FKBP2: variants seen among roughly 807,000 people sequenced by gnomAD.
FKBP2 encodes FKBP prolyl isomerase 2, also known as peptidyl-prolyl cis-trans isomerase FKBP2.
In FKBP2, 15 loss-of-function variants were observed where a neutral mutation model predicts 19.4. The observed-to-expected ratio is 0.77, with a 90% confidence interval of 0.52 to 1.19. FKBP2 has a LOEUF of 1.19. FKBP2 is among the 50% of genes most tolerant of loss of function. The pLI is 0.00. For synonymous variants in FKBP2, 76 were observed against 74.8 expected, an observed-to-expected ratio of 1.02 and a Z score of -0.08; for missense variants, 170 against 179.0, an observed-to-expected ratio of 0.95 and a Z score of 0.29.
chr11:64,243,627 C>A, intron 4 of FKBP2, 130 bp downstream of exon 4: 2 of 1,298,026 alleles, frequency 1.5e-6, no homozygotes, highest in East Asian at 2.3e-5. Flanking sequence ...CCAAGTTTGG[C>A]TGTGTCTAGC....
In FKBP2 at chr11:64,242,460, G is replaced by A; in HGVS notation, c.73G>A (p.Ala25Thr). ...GAGCGCCGTGGCCACGGCCACGGGG[G>A]CCGAGGGCAAAAGGAAGCTGCAGAT... ...CLSAVATATG[A>T]EGKRKLQIGV... The change falls in exon 2 of 6, where the codon GCC (alanine) becomes ACC (threonine). Residue 25 changes from alanine to threonine, a missense_variant. Coordinates refer to ENST00000309366, the MANE Select transcript of FKBP2 (RefSeq NM_004470.4). 1 of 1,549,072 alleles carries A rather than the reference G, an allele frequency of 6.5e-7. No individual in the cohort carries two copies. The highest frequency in any genetic ancestry group is 8.7e-7 in the Non-Finnish European group (1 of 1,154,798).
intron 1 of FKBP2, chr11:64,241,618 T>G (rs938611371): frequency 2.0e-5 from 3 of 152,344 alleles, no homozygotes; most frequent in African/African-American, 7.3e-5. Flanking sequence ...TACCGCGTCC[T>G]CCGAAGGGCG....
At chr11:64,243,057 G>C in intron 2 of FKBP2, 142 bp from the exon 3 acceptor site, 1 of 695,404 alleles carries the variant, frequency 1.4e-6, no homozygotes, top group Non-Finnish European at 2.5e-6. Context: ...TGGCAACAGA[G>C]ACTCCATCTC....
rs1315509954 is a variant in FKBP2 at position 64,243,331 on chromosome 11, G to C, written c.284+20G>C. On this transcript the variant is annotated intron_variant, in intron 3 of 5. Coordinates refer to ENST00000309366, the MANE Select transcript of FKBP2 (RefSeq NM_004470.4). Reference sequence around the variant, plus strand: ...GCTGGGGTGAGTCATGGGGGAATGGGCTTGGGAGTGGGGGCGTGCATGGCC... The same window carrying C: ...GCTGGGGTGAGTCATGGGGGAATGGCCTTGGGAGTGGGGGCGTGCATGGCC... The C allele has an allele frequency of 1.3e-6, 2 of 1,599,240 alleles. No individual in the cohort carries two copies. The highest frequency in any genetic ancestry group is 1.7e-5 in the Admixed American group (1 of 59,250).
At position 64,242,552 on chromosome 11, in the gene FKBP2, C is replaced by T; in HGVS notation, c.165C>T (p.His55=). ...KSRKGDVLHM[H]YTGKLEDGTE... The stretch of plus-strand genomic sequence containing the variant: ...GCAAAGGGGATGTCCTGCACATGCA[C>T]TACACGGTGAGTGGGTTGGGCGGGC... Residue 55 remains histidine, a synonymous_variant, in exon 2 of 6, where the codon CAC becomes CAT. Transcript: ENST00000309366. 6.5e-7 allele frequency: 1 copy of T among 1,541,294 alleles called. No homozygotes were observed. The highest frequency in any genetic ancestry group is 8.7e-7 in the Non-Finnish European group (1 of 1,150,428).
chr11:64,242,218 G>GACA, intron 1 of FKBP2, 166 bp from the exon 2 acceptor site: 1 of 612,132 alleles, frequency 1.6e-6, no homozygotes, highest in East Asian at 3.5e-5. Context: ...GGACTGGTAA[G>GACA]TGTGGCCCCG....
rs952009838 is a variant in FKBP2, at chr11:64,244,100, C to G, written c.*71C>G. On this transcript the variant is annotated 3_prime_UTR_variant, in exon 6 of 6. Transcript: ENST00000309366. ...ACTGTTCCAAAAAAAAAACAAAAAACAAAAACAAACAAAAAAACACTTAAA... is the reference window on the plus strand; with the variant it reads ...ACTGTTCCAAAAAAAAAACAAAAAAGAAAAACAAACAAAAAAACACTTAAA... 1 of 1,532,558 alleles carries G rather than the reference C, an allele frequency of 6.5e-7. No individual in the cohort carries two copies. 94.9% of individuals were successfully genotyped at this position (1,532,558 alleles called of 1,614,324 possible).
At chr11:64,243,563 C>G in intron 4 of FKBP2, 66 bp downstream of exon 4, 1 of 1,570,376 alleles carries the variant, frequency 6.4e-7, no homozygotes, top group Non-Finnish European at 8.7e-7. Context: ...GTGAAAGCTG[C>G]TTCAGCTTTT....
Position 64,244,082 on chromosome 11 carries a change from C to CAA in FKBP2, c.*62_*63dup, listed in dbSNP as rs368428015. Reference sequence around the variant, plus strand: ...GCCCCCATCAGGGACCAGACTGTTCCAAAAAAAAAACAAAAAACAAAAACA... The same window carrying CAA: ...GCCCCCATCAGGGACCAGACTGTTCCAAAAAAAAAAAACAAAAAACAAAAACA... On this transcript the variant is annotated 3_prime_UTR_variant, in exon 6 of 6. Coordinates refer to ENST00000309366, the MANE Select transcript of FKBP2 (RefSeq NM_004470.4). The CAA allele has an allele frequency of 1.3e-3, 1,688 of 1,271,896 alleles. No homozygotes were observed. Among genetic ancestry groups the CAA allele is most frequent in the Non-Finnish European group, 1.7e-3 (1,579 of 921,660 alleles). The allele number at this position is 1,271,896 out of a possible 1,614,324, so 78.8% of individuals were successfully genotyped here.
At chr11:64,241,427 G>A (rs2030480605) in intron 1 of FKBP2, among the ~76,000 whole-genome samples, 1 of 151,760 alleles carries the variant, frequency 6.6e-6, no homozygotes, top group Non-Finnish European at 1.5e-5. Flanking sequence ...AGGGTCGGGG[G>A]ACGGAGCCTG....
rs972997484 is a variant in FKBP2, at chr11:64,241,444, G to A, written c.-5+312G>A. On this transcript the variant is annotated intron_variant, in intron 1 of 5. Transcript: ENST00000309366. ...GGTCGGGGGACGGAGCCTGGCTCTTGAAGGAGGAGCTGGAGGAGGTGAAAG... is the reference window on the plus strand; with the variant it reads ...GGTCGGGGGACGGAGCCTGGCTCTTAAAGGAGGAGCTGGAGGAGGTGAAAG... 4.8e-4 allele frequency among the ~76,000 whole-genome samples: 73 copies of A among 151,980 alleles called. 1 individual carries two copies. The highest frequency in any genetic ancestry group is 5.3e-4 in the African/African-American group (22 of 41,454).
intron 1 of FKBP2, chr11:64,242,043 T>G: frequency 4.5e-6 from 1 of 221,928 alleles, no homozygotes; most frequent in South Asian, 7.7e-5. Context: ...CCAGATAGGG[T>G]CTGGACTTTG....
intron 2 of FKBP2, among the ~76,000 whole-genome samples, chr11:64,242,963 T>C (rs964812120): frequency 3.3e-5 from 5 of 152,042 alleles, no homozygotes; most frequent in African/African-American, 1.2e-4. Context: ...TCCCAGCTAC[T>C]TGGGAGGCTG....
Position 64,242,468 on chromosome 11 carries a change from C to A in FKBP2, c.81C>A (p.Gly27=). 6.5e-7 allele frequency: 1 copy of A among 1,548,994 alleles called. No homozygotes were observed. Among genetic ancestry groups the A allele is most frequent in the Non-Finnish European group, 8.7e-7 (1 of 1,154,846 alleles). Residue 27 remains glycine (G), a synonymous_variant, in exon 2 of 6, where the codon GGC becomes GGA. Coordinates refer to ENST00000309366, the MANE Select transcript of FKBP2 (RefSeq NM_004470.4). ...SAVATATGAE[G]KRKLQIGVKK... is the part of the protein sequence containing the mutation. Reference sequence around the variant, plus strand: ...TGGCCACGGCCACGGGGGCCGAGGGCAAAAGGAAGCTGCAGATCGGGGTCA... The same window carrying A: ...TGGCCACGGCCACGGGGGCCGAGGGAAAAAGGAAGCTGCAGATCGGGGTCA...
chr11:64,243,783 G>A, intron 4 of FKBP2, 58 bp from the exon 5 acceptor site: 2 of 1,600,998 alleles, frequency 1.2e-6, no homozygotes, highest in Admixed American at 1.7e-5. Context: ...CTCTCCCTTT[G>A]CCCACACTGG....
At position 64,243,443 on chromosome 11, in the gene FKBP2, TC is replaced by T; in HGVS notation, c.285-6del. ...GCTGCCATGGGCTGAGCATGTGTCTTCCTGCAGGATGTGTGAGGGGGAAAAG... is the reference window on the plus strand; with the variant it reads ...GCTGCCATGGGCTGAGCATGTGTCTTCTGCAGGATGTGTGAGGGGGAAAAG... On this transcript the variant is annotated splice_polypyrimidine_tract_variant and splice_region_variant and intron_variant, in intron 3 of 5. Transcript: ENST00000309366. The T allele has an allele frequency of 6.2e-7, 1 of 1,614,038 alleles. No individual in the cohort carries two copies. Among genetic ancestry groups the T allele is most frequent in the Middle Eastern group, 1.7e-4 (1 of 6,012 alleles).
rs763603958 is a variant in FKBP2, at chr11:64,243,159, T to C, written c.172-40T>C. ...CAGCTGAGGGAGGGGGTGTCAGGGGTGGTCCCCTCTTCCTCACTGGCCTTC... is the reference window on the plus strand; with the variant it reads ...CAGCTGAGGGAGGGGGTGTCAGGGGCGGTCCCCTCTTCCTCACTGGCCTTC... On this transcript the variant is annotated intron_variant, in intron 2 of 5. Transcript: ENST00000309366. The C allele has an allele frequency of 1.9e-6, 3 of 1,570,598 alleles. No homozygotes were observed. In the Admixed American group the frequency reaches 5.0e-5, roughly 26 times the overall value.
Position 64,242,478 on chromosome 11 carries a change from C to A in FKBP2, c.91C>A (p.Leu31Met). Reference sequence around the variant, plus strand: ...CACGGGGGCCGAGGGCAAAAGGAAGCTGCAGATCGGGGTCAAGAAGCGGGT... The same window carrying A: ...CACGGGGGCCGAGGGCAAAAGGAAGATGCAGATCGGGGTCAAGAAGCGGGT... The part of the protein sequence containing the change: ...TATGAEGKRK[L>M]QIGVKKRVDH... The change falls in exon 2 of 6, where the codon CTG (leucine) becomes ATG (methionine). Residue 31 changes from leucine to methionine, a missense_variant. Coordinates refer to ENST00000309366, the MANE Select transcript of FKBP2 (RefSeq NM_004470.4). The A allele has an allele frequency of 6.4e-7, 1 of 1,553,864 alleles. No individual in the cohort carries two copies. The highest frequency in any genetic ancestry group is 8.6e-7 in the Non-Finnish European group (1 of 1,156,736).
At chr11:64,241,868 G>C (rs531957663) in intron 1 of FKBP2, 17 of 153,198 alleles carry the variant, frequency 1.1e-4, no homozygotes, top group African/African-American at 4.1e-4. Context: ...GCCAGGCTGG[G>C]GGGTATCTCC....
Sources: allele counts gnomAD v4.1 joint callset (sites outside exome capture counted in the v4.1 genomes callset), GRCh38; gene constraint gnomAD v4.1.1; transcripts MANE v1.5; gene names NCBI Gene and HGNC (gene_info 2026-07-23, HGNC 2026-07-21).